SDK2: variants seen among roughly 807,000 people sequenced by gnomAD.
SDK2 encodes protein sidekick-2.
A neutral mutation model predicts 253.9 loss-of-function variants in SDK2; 105 were observed. The ratio of observed to expected loss-of-function variants is 0.41; its 90% CI spans 0.35 to 0.49. The LOEUF is 0.49. Among genes scored for constraint, SDK2 ranks in the 20% least tolerant of loss-of-function variants. The pLI, the probability that SDK2 is intolerant of heterozygous loss-of-function variation, is 0.06. For missense variants in SDK2, 2,608 were observed against 3,003.0 expected, an observed-to-expected ratio of 0.87 and a Z score of 3.07; for synonymous variants, 1,249 against 1,234.9, an observed-to-expected ratio of 1.01 and a Z score of -0.24.
At chr17:73,558,454 A>C (rs1464272028) in intron 1 of SDK2, among the ~76,000 whole-genome samples, 1 of 149,992 alleles carries the variant, frequency 6.7e-6, no homozygotes, top group Non-Finnish European at 1.5e-5. Context: ...GGGGAGAGGG[A>C]GGAAGAAAGG....
In SDK2 at chr17:73,643,585, GC is replaced by G. The variant is rs1477493705; in HGVS notation, c.64+439del. Among the ~76,000 whole-genome samples the G allele has an allele frequency of 1.3e-5, 2 of 151,998 alleles. No individual in the cohort carries two copies. Among genetic ancestry groups the G allele is most frequent in the Admixed American group, 1.3e-4 (2 of 15,280 alleles). On this transcript the variant is annotated intron_variant, in intron 1 of 44. Transcript: ENST00000392650. The surrounding 1 kb of genome is among the most constrained non-coding windows in gnomAD (Gnocchi z 6.9). The stretch of plus-strand genomic sequence containing the variant: ...CACCCCACTCCCTCGCCCCGGGGAG[GC>G]CATCGCCTGCCCGGCAGGGGCCCTG...
chr17:73,347,654 A>G (rs2145386960), intron 44 of SDK2, among the ~76,000 whole-genome samples: 1 of 152,282 alleles, frequency 6.6e-6, no homozygotes, highest in East Asian at 1.9e-4. Context: ...GCCTGGGCAG[A>G]AAGGTCCAGG....
rs1289830769 is a variant in SDK2, at chr17:73,379,222, C to T, written c.4935G>A (p.Glu1645=). Reference sequence around the variant, plus strand: ...CATTCTGGCTGTCCAGCGGAGGTGGCTCCCAAGTCACGTCCAGCTGTGTGG... The same window carrying T: ...CATTCTGGCTGTCCAGCGGAGGTGGTTCCCAAGTCACGTCCAGCTGTGTGG... ...ATATQLDVTW[E]PPPLDSQNGD... Residue 1645 remains glutamate, a synonymous_variant, in exon 36 of 45, where the codon GAG becomes GAA. Transcript: ENST00000392650. This position sits in a 1 kb window ranked among gnomAD's most constrained non-coding sequence, Gnocchi z 4.5. The T allele has an allele frequency of 5.1e-6, 8 of 1,559,274 alleles. No individual in the cohort carries two copies. The highest frequency in any genetic ancestry group is 2.4e-5 in the South Asian group (2 of 84,518).
intron 1 of SDK2, among the ~76,000 whole-genome samples, chr17:73,582,040 G>A (rs549704698): frequency 1.3e-4 from 20 of 152,324 alleles, no homozygotes; most frequent in Middle Eastern, 3.4e-3. Flanking sequence ...AGGCCCTCTC[G>A]TATCTTACTT....
At chr17:73,472,313 C>T (rs1341874863) in intron 2 of SDK2, 95 bp from the exon 3 acceptor site, 3 of 788,596 alleles carry the variant, frequency 3.8e-6, no homozygotes, top group Non-Finnish European at 6.5e-6. Flanking sequence ...GCCAGGTCAC[C>T]CTCTTTTGGA....
At chr17:73,457,317 CCT>C in intron 3 of SDK2, among the ~76,000 whole-genome samples, 2 of 76,348 alleles carry the variant, frequency 2.6e-5, no homozygotes, top group Admixed American at 1.5e-4. Flanking sequence ...CCCCCCCTCC[CCT>C]CTCCTCCCCT....
chr17:73,597,794 C>T (rs1285645311), intron 1 of SDK2, among the ~76,000 whole-genome samples: 4 of 151,966 alleles, frequency 2.6e-5, no homozygotes, highest in African/African-American at 4.8e-5. Context: ...TACAGGCACC[C>T]GCCACCACGC....
At chr17:73,350,131 C>A (rs2062521589) in intron 43 of SDK2, 106 bp downstream of exon 43, 1 of 1,050,650 alleles carries the variant, frequency 9.5e-7, no homozygotes, top group Non-Finnish European at 1.3e-6. Context: ...TTTCCCAGGA[C>A]AAGGTATGGC....
intron 40 of SDK2, among the ~76,000 whole-genome samples, chr17:73,355,174 A>ATTTTTTTTTT (rs770032791): frequency 0.045 from 2,109 of 47,002 alleles, 202 homozygotes; most frequent in South Asian, 0.089. Flanking sequence ...ATATATATAT[A>ATTTTTTTTTT]TTTTTTTTTT....
In SDK2 at chr17:73,481,351, G is replaced by A. The variant is rs2063722435; in HGVS notation, c.225-9133C>T. Among the ~76,000 whole-genome samples the A allele has an allele frequency of 6.6e-6, 1 of 152,156 alleles. No homozygotes were observed. The highest frequency in any genetic ancestry group is 2.1e-4 in the South Asian group (1 of 4,830). ...TACCCGCAGTGGACAGAACAGGGAG[G>A]AACCCCTGACTCTGATGTGATGGTT... On this transcript the variant is annotated intron_variant, in intron 2 of 44. Transcript: ENST00000392650. This position sits in a 1 kb window ranked among gnomAD's most constrained non-coding sequence, Gnocchi z 4.5.
chr17:73,478,173 C>T (rs2063698749), intron 2 of SDK2, among the ~76,000 whole-genome samples: 1 of 152,114 alleles, frequency 6.6e-6, no homozygotes, highest in Admixed American at 6.5e-5. Flanking sequence ...AGCAAATACG[C>T]ATTTAGAATC....
At chr17:73,397,961 G>C in intron 24 of SDK2, 74 bp downstream of exon 24, 1 of 1,508,118 alleles carries the variant, frequency 6.6e-7, no homozygotes, top group South Asian at 1.2e-5. Context: ...TAGGAATTCT[G>C]ATGTGCACCT....
At chr17:73,457,494 G>A (rs1220061281) in intron 3 of SDK2, among the ~76,000 whole-genome samples, 2 of 151,188 alleles carry the variant, frequency 1.3e-5, no homozygotes, top group East Asian at 3.9e-4. Flanking sequence ...GGGATTACAG[G>A]CACCCGCCAG....
intron 1 of SDK2, among the ~76,000 whole-genome samples, chr17:73,626,281 T>C (rs1177561298): frequency 6.6e-6 from 1 of 152,208 alleles, no homozygotes; most frequent in African/African-American, 2.4e-5. Flanking sequence ...GATGAATGCG[T>C]TGGCCGGGGC....
intron 24 of SDK2, among the ~76,000 whole-genome samples, chr17:73,397,471 C>T (rs944781374): frequency 6.6e-6 from 1 of 152,200 alleles, no homozygotes; most frequent in African/African-American, 2.4e-5. Flanking sequence ...TCTTCTGCCC[C>T]GGTTTCCTCA....
At chr17:73,434,117 C>T (rs1160486698) in intron 9 of SDK2, among the ~76,000 whole-genome samples, 2 of 152,344 alleles carry the variant, frequency 1.3e-5, no homozygotes, top group East Asian at 1.9e-4. Flanking sequence ...ATTCTCAGGC[C>T]TGCATTTGGG....
intron 1 of SDK2, among the ~76,000 whole-genome samples, chr17:73,525,906 C>T (rs185994338): frequency 4.0e-4 from 61 of 152,392 alleles, no homozygotes; most frequent in African/African-American, 1.3e-3. Context: ...TTTTTGAGCA[C>T]GTACTACGTG....
intron 1 of SDK2, among the ~76,000 whole-genome samples, chr17:73,601,064 GGC>G (rs1483825792): frequency 6.6e-6 from 1 of 151,566 alleles, no homozygotes; most frequent in African/African-American, 2.4e-5. Context: ...CTGTTGCCCG[GGC>G]TGGAGTGCAG....
intron 2 of SDK2, 107 bp from the exon 3 acceptor site, chr17:73,472,325 T>C (rs1321858757): frequency 1.4e-6 from 1 of 710,798 alleles, no homozygotes; most frequent in Non-Finnish European, 2.5e-6. Flanking sequence ...TCTTTTGGAA[T>C]AAGAGTACCA....
Sources: allele counts gnomAD v4.1 joint callset (sites outside exome capture counted in the v4.1 genomes callset), GRCh38; gene constraint gnomAD v4.1.1; non-coding constraint Gnocchi (gnomAD v3.1); transcripts MANE v1.5; gene names NCBI Gene and HGNC (gene_info 2026-07-23, HGNC 2026-07-21).